The following DMBT1 variants were observed in gnomAD, a reference collection of about 807,000 sequenced individuals.
The protein encoded by DMBT1 is scavenger receptor cysteine-rich domain-containing protein DMBT1.
Under a neutral mutation model 252.9 loss-of-function variants are expected in DMBT1, and 198 were observed. The observed-to-expected ratio is 0.78, with a 90% CI of 0.70 to 0.88. The LOEUF is 0.88. Among genes scored for constraint, DMBT1 ranks in the 40% least tolerant of loss-of-function variants. The pLI is 0.00. For synonymous variants in DMBT1, 990 were observed against 942.7 expected (o/e 1.05, Z -0.92); for missense variants, 2,432 against 2,404.7 (o/e 1.01, Z -0.24).
chr10:122,623,382 T>C (rs1283125862), intron 44 of DMBT1, among the ~76,000 whole-genome samples: 1 of 152,240 alleles, frequency 6.6e-6, no homozygotes, highest in African/African-American at 2.4e-5. Context: ...TACGGTTTTT[T>C]GTTTGCACTT....
At chr10:122,634,106 C>T (rs1344290756) in intron 52 of DMBT1, among the ~76,000 whole-genome samples, 1 of 152,162 alleles carries the variant, frequency 6.6e-6, no homozygotes, top group Non-Finnish European at 1.5e-5. Context: ...CCAGTGCACT[C>T]CAGCTTGTGG....
chr10:122,634,433 TCTCTCTCTCTCTCTCTCTCTCTC>T (rs1566007255), intron 52 of DMBT1, among the ~76,000 whole-genome samples: 3 of 30,802 alleles, frequency 9.7e-5, no homozygotes, highest in African/African-American at 2.6e-4. Context: ...CTCTCTCTTC[TCTCTCTCTCTCTCTCTCTCTCTC>T]TCTCTCTCTC....
intron 43 of DMBT1, 143 bp downstream of exon 43, chr10:122,620,434 G>T (rs1378245008): frequency 5.2e-6 from 5 of 952,792 alleles, no homozygotes; most frequent in Admixed American, 4.6e-5. Flanking sequence ...GACTCCCTGG[G>T]AACCTAGTCC....
intron 19 of DMBT1, 126 bp downstream of exon 19, chr10:122,591,643 G>A: frequency 1.8e-6 from 2 of 1,111,024 alleles, no homozygotes; most frequent in Non-Finnish European, 2.6e-6. Context: ...GCGCTGAGTG[G>A]GAGGAAGTTG....
chr10:122,560,810 T>G lies in DMBT1; in HGVS notation c.40T>G (p.Trp14Gly). Residue 14 changes from tryptophan (W) to glycine (G), a missense_variant, in exon 1 of 56, where the codon TGG becomes GGG. Around this residue, in one of 3 missense-constraint regions of DMBT1, gnomAD observed 1,264 missense variants for 1,082.2 expected, o/e 1.17. Coordinates refer to ENST00000338354, the MANE Select transcript of DMBT1 (RefSeq NM_001377530.1). ...STVILEMCLL[W>G]GQVLSTGGWI... is the part of the protein sequence containing the mutation. ...AGTCATCCTTGAAATGTGTCTTTTATGGGGACAAGTTCTATCTACAGGTAT... is the reference window on the plus strand; with the variant it reads ...AGTCATCCTTGAAATGTGTCTTTTAGGGGGACAAGTTCTATCTACAGGTAT... 1 of 1,573,030 alleles carries G rather than the reference T, an allele frequency of 6.4e-7. No individual in the cohort carries two copies. Among genetic ancestry groups the G allele is most frequent in the Non-Finnish European group, 8.6e-7 (1 of 1,157,212 alleles).
intron 46 of DMBT1, among the ~76,000 whole-genome samples, chr10:122,627,191 C>T (rs1012357416): frequency 6.6e-6 from 1 of 152,152 alleles, no homozygotes; most frequent in East Asian, 1.9e-4. Flanking sequence ...CCATGTCTGC[C>T]TTTTTCATAA....
At position 122,585,862 on chromosome 10, in the gene DMBT1, A is replaced by C. The variant is rs1401349276; in HGVS notation, c.1460-198A>C. 3.4e-5 allele frequency among the ~76,000 whole-genome samples: 5 copies of C among 148,730 alleles called. 1 individual carries two copies. Among genetic ancestry groups the C allele is most frequent in the Non-Finnish European group, 6.0e-5 (4 of 66,760 alleles). On this transcript the variant is annotated intron_variant, in intron 15 of 55. Transcript: ENST00000338354. ...CCAGTAGGGTCACAGGTGCTTCCCC[A>C]AACTTGAGCCTTCATAAACCCAGGC...
At chr10:122,578,246 C>G (rs2097730533) in intron 8 of DMBT1, among the ~76,000 whole-genome samples, 1 of 152,204 alleles carries the variant, frequency 6.6e-6, no homozygotes, top group South Asian at 2.1e-4. Context: ...TGAAAAACCC[C>G]CAGATTCTGC....
chr10:122,560,952 T>A, intron 1 of DMBT1, 121 bp downstream of exon 1: 1 of 648,548 alleles, frequency 1.5e-6, no homozygotes, highest in South Asian at 2.6e-5. Flanking sequence ...AGCACTTTGC[T>A]GATAATTGTA....
chr10:122,598,149 GCGTCTCTGGGGACC>G, intron 25 of DMBT1, 137 bp downstream of exon 25: 1 of 1,319,082 alleles, frequency 7.6e-7, no homozygotes, highest in South Asian at 1.3e-5. Context: ...GAGGAAGGTA[GCGTCTCTGGGGACC>G]CAGCTCTGGG....
At chr10:122,592,164 G>C (rs1017100178) in intron 19 of DMBT1, 108 bp from the exon 20 acceptor site, 1 of 1,493,828 alleles carries the variant, frequency 6.7e-7, no homozygotes. Flanking sequence ...AATCGTGACT[G>C]CTTGTCCAGG....
In DMBT1 at chr10:122,585,279, C is replaced by T. The variant is rs2097779762; in HGVS notation, c.1429C>T (p.Pro477Ser). 6.3e-7 allele frequency: 1 copy of T among 1,586,762 alleles called. No homozygotes were observed. The highest frequency in any genetic ancestry group is 1.3e-5 in the African/African-American group (1 of 74,476). ...CTCTGTTGCAATTACAGACACGTTG[C>T]CGACCATCACCTTACCTGCATCGAC... ...SWSTPSPDTLPTITLPASTVG... is the reference protein window; with the variant it reads ...SWSTPSPDTLSTITLPASTVG... The change falls in exon 15 of 56, where the codon CCG becomes TCG. Residue 477 changes from proline (P) to serine (S), a missense_variant. Physicochemically the swap from Pro to Ser is moderately conservative, Grantham distance 74. Around this residue, in one of 3 missense-constraint regions of DMBT1, gnomAD observed 1,264 missense variants for 1,082.2 expected, o/e 1.17. Coordinates refer to ENST00000338354, the MANE Select transcript of DMBT1 (RefSeq NM_001377530.1).
chr10:122,598,677 G>C, intron 25 of DMBT1, 97 bp from the exon 26 acceptor site: 1 of 1,585,688 alleles, frequency 6.3e-7, no homozygotes, highest in South Asian at 1.2e-5. Flanking sequence ...CTGCCCAGGT[G>C]ACTTTAGCCA....
chr10:122,586,634 G>A (rs1301172110), intron 16 of DMBT1, among the ~76,000 whole-genome samples: 1 of 148,454 alleles, frequency 6.7e-6, no homozygotes, highest in Non-Finnish European at 1.5e-5. Context: ...CGCAAGCAGA[G>A]GGAGAAGACG....
chr10:122,562,903 T>G (rs1033614817), intron 1 of DMBT1, among the ~76,000 whole-genome samples: 17 of 152,244 alleles, frequency 1.1e-4, no homozygotes, highest in African/African-American at 3.4e-4. Flanking sequence ...GTTATTGGCT[T>G]GTCCAAAGAC....
chr10:122,623,375 G>A (rs2098088567), intron 44 of DMBT1, among the ~76,000 whole-genome samples: 1 of 152,168 alleles, frequency 6.6e-6, no homozygotes, highest in Non-Finnish European at 1.5e-5. Context: ...ATTAGTGTAC[G>A]GTTTTTTGTT....
In DMBT1 at chr10:122,630,001, A is replaced by C; in HGVS notation, c.5822+8A>C. 1 of 1,613,894 alleles carries C rather than the reference A, an allele frequency of 6.2e-7. No homozygotes were observed. The highest frequency in any genetic ancestry group is 8.5e-7 in the Non-Finnish European group (1 of 1,179,830). On this transcript the variant is annotated splice_region_variant and intron_variant, in intron 47 of 55. Coordinates refer to ENST00000338354, the MANE Select transcript of DMBT1 (RefSeq NM_001377530.1). ...GGGCTTCAGTAATCTGAAGTAAGTA[A>C]TGCCTGGTCATCTGGTGAGGGGTGA...
At chr10:122,573,979 G>T (rs538479333) in intron 6 of DMBT1, among the ~76,000 whole-genome samples, 1 of 152,170 alleles carries the variant, frequency 6.6e-6, no homozygotes, top group Non-Finnish European at 1.5e-5. Flanking sequence ...TCTCCAAGGA[G>T]TTCTCAGTGG....
intron 55 of DMBT1, among the ~76,000 whole-genome samples, chr10:122,641,032 G>A (rs1402433166): frequency 1.3e-5 from 2 of 152,190 alleles, no homozygotes; most frequent in East Asian, 3.9e-4. Context: ...TGTGCAGCAG[G>A]TGGTCCACCA....
Sources: allele counts gnomAD v4.1 joint callset (sites outside exome capture counted in the v4.1 genomes callset), GRCh38; gene constraint gnomAD v4.1.1; regional missense constraint gnomAD v4.1.1; transcripts MANE v1.5; gene names NCBI Gene and HGNC (gene_info 2026-07-23, HGNC 2026-07-21).